Variants in LHFPL2 observed in about 807,000 individuals in gnomAD.
LHFPL2 encodes the protein LHFPL tetraspan subfamily member 2 protein.
A neutral mutation model predicts 17.5 loss-of-function variants in LHFPL2; 7 were observed. That is an observed-to-expected ratio of 0.40 (90% CI 0.23 to 0.75). The LOEUF is 0.75. Among genes scored for constraint, LHFPL2 ranks in the 30% least tolerant of loss-of-function variants. The probability of loss-of-function intolerance (pLI) is 0.37; values close to 1 mark genes in which losing one functional copy is unlikely to be tolerated. For synonymous variants in LHFPL2, 134 were observed against 116.2 expected, an observed-to-expected ratio of 1.15 and a Z score of -0.99; for missense variants, 241 against 294.8, an observed-to-expected ratio of 0.82 and a Z score of 1.34.
chr5:78,566,277 T>C (rs1362210862), intron 2 of LHFPL2, among the ~76,000 whole-genome samples: 1 of 152,196 alleles, frequency 6.6e-6, no homozygotes, highest in Admixed American at 6.5e-5. Context: ...GCAGCACCAG[T>C]GTTAATCCAA....
intron 1 of LHFPL2, among the ~76,000 whole-genome samples, chr5:78,647,293 G>T (rs1745918571): frequency 6.6e-6 from 1 of 152,160 alleles, no homozygotes; most frequent in African/African-American, 2.4e-5. Context: ...AAAGAATCAG[G>T]AATACCAGCA....
intron 2 of LHFPL2, among the ~76,000 whole-genome samples, chr5:78,580,199 TG>T (rs1478236929): frequency 8.5e-5 from 13 of 152,228 alleles, no homozygotes; most frequent in African/African-American, 3.1e-4. Context: ...TGGGGTTGTT[TG>T]TTTTTTTCTT....
intron 2 of LHFPL2, among the ~76,000 whole-genome samples, chr5:78,580,831 C>A (rs1270187263): frequency 6.6e-6 from 1 of 151,974 alleles, no homozygotes; most frequent in Non-Finnish European, 1.5e-5. Context: ...GCGATGCGGG[C>A]TCTTTTTTGG....
Position 78,509,765 on chromosome 5 carries a change from C to CG in LHFPL2, c.430+18dup. 6.3e-7 allele frequency: 1 copy of CG among 1,599,758 alleles called. No individual in the cohort carries two copies. The highest frequency in any genetic ancestry group is 8.5e-7 in the Non-Finnish European group (1 of 1,169,690). ...CTCCATCCCTCCATCCCACCGTGCC[C>CG]GGGGTCCTGCCTTCTTACCTGCAAT... On this transcript the variant is annotated intron_variant, in intron 4 of 4. Transcript: ENST00000380345.
At chr5:78,579,864 T>C (rs1439163533) in intron 2 of LHFPL2, among the ~76,000 whole-genome samples, 1 of 152,246 alleles carries the variant, frequency 6.6e-6, no homozygotes, top group Non-Finnish European at 1.5e-5. Flanking sequence ...TACCCAGTAA[T>C]GGGATGGCTG....
chr5:78,607,090 A>G (rs1299513785), intron 2 of LHFPL2, among the ~76,000 whole-genome samples: 1 of 151,866 alleles, frequency 6.6e-6, no homozygotes, highest in East Asian at 1.9e-4. Context: ...TTTACTAATC[A>G]CATCCCAAGA....
Position 78,552,209 on chromosome 5 carries a change from C to T in LHFPL2, c.-186+12604G>A, listed in dbSNP as rs538575875. Among the ~76,000 whole-genome samples, 27 of 151,462 alleles carry T rather than the reference C, an allele frequency of 1.8e-4. No individual in the cohort carries two copies. The South Asian group carries it at 5.4e-3, about 30-fold the overall frequency. On this transcript the variant is annotated intron_variant, in intron 3 of 4. Coordinates refer to ENST00000380345, the MANE Select transcript of LHFPL2 (RefSeq NM_005779.3). ...AGTGCAGTGGCGCGATCTTGGTTCA[C>T]TGCAAGCTCCGCCTCCCAGGTTCAT...
intron 4 of LHFPL2, among the ~76,000 whole-genome samples, chr5:78,492,436 C>CTTAA (rs2112289150): frequency 6.6e-6 from 1 of 152,234 alleles, no homozygotes; most frequent in African/African-American, 2.4e-5. Context: ...CAAAAAATAC[C>CTTAA]TTAATTTGGC....
At chr5:78,489,901 A>G (rs973820821) in intron 4 of LHFPL2, among the ~76,000 whole-genome samples, 3 of 78,894 alleles carry the variant, frequency 3.8e-5, no homozygotes, top group African/African-American at 1.6e-4. Flanking sequence ...CTTTCTGCAG[A>G]AAGAGTTTGC....
chr5:78,535,612 A>G (rs1055941276), intron 3 of LHFPL2, among the ~76,000 whole-genome samples: 1 of 152,156 alleles, frequency 6.6e-6, no homozygotes, highest in Non-Finnish European at 1.5e-5. Flanking sequence ...AGCCTGCTCC[A>G]CCTGCTAGCT....
chr5:78,626,396 C>T (rs936605552), intron 2 of LHFPL2: 2 of 152,266 alleles, frequency 1.3e-5, no homozygotes, highest in African/African-American at 4.8e-5. Context: ...AGGAGCAGCA[C>T]GTGGCCAAAG....
chr5:78,503,513 G>A (rs1425658262), intron 4 of LHFPL2, among the ~76,000 whole-genome samples: 2 of 152,050 alleles, frequency 1.3e-5, no homozygotes, highest in Non-Finnish European at 2.9e-5. Context: ...CCTGGCCAAC[G>A]TGGTGAAACC....
intron 2 of LHFPL2, among the ~76,000 whole-genome samples, chr5:78,627,200 G>A (rs1745074617): frequency 6.6e-6 from 1 of 152,214 alleles, no homozygotes; most frequent in Non-Finnish European, 1.5e-5. Context: ...AATGAAGACG[G>A]ACATGGGAAA....
intron 4 of LHFPL2, among the ~76,000 whole-genome samples, chr5:78,490,916 T>G (rs895969637): frequency 6.6e-6 from 1 of 152,220 alleles, no homozygotes; most frequent in African/African-American, 2.4e-5. Flanking sequence ...CTTGGCATCT[T>G]GGCTCTGAGT....
chr5:78,587,871 C>T (rs1290423420), intron 2 of LHFPL2, among the ~76,000 whole-genome samples: 1 of 152,220 alleles, frequency 6.6e-6, no homozygotes, highest in Non-Finnish European at 1.5e-5. Context: ...CTGTGGCCTC[C>T]CTGGCCCACC....
In LHFPL2 at chr5:78,568,084, A is replaced by G. The variant is rs142922395; in HGVS notation, c.-244-3213T>C. On this transcript the variant is annotated intron_variant, in intron 2 of 4. Transcript: ENST00000380345. Reference sequence around the variant, plus strand: ...CAAGAACATCAATTAGAGCACATACAATGGTATTCTCACGCTGCCAGGTCA... The same window carrying G: ...CAAGAACATCAATTAGAGCACATACGATGGTATTCTCACGCTGCCAGGTCA... 1.2e-3 allele frequency among the ~76,000 whole-genome samples: 185 copies of G among 152,342 alleles called. 1 individual carries two copies. Among genetic ancestry groups the G allele is most frequent in the African/African-American group, 4.2e-3 (175 of 41,572 alleles).
At chr5:78,555,200 A>G (rs1394600606) in intron 3 of LHFPL2, among the ~76,000 whole-genome samples, 1 of 152,274 alleles carries the variant, frequency 6.6e-6, no homozygotes, top group Non-Finnish European at 1.5e-5. Flanking sequence ...AGGGACTCAC[A>G]TGAATACTAT....
chr5:78,592,767 T>G (rs1743687331), intron 2 of LHFPL2, among the ~76,000 whole-genome samples: 1 of 142,782 alleles, frequency 7.0e-6, no homozygotes, highest in African/African-American at 2.8e-5. Context: ...ACTCTTCAAC[T>G]TAGTGAAAAA....
chr5:78,593,392 G>A (rs758993131), intron 2 of LHFPL2, among the ~76,000 whole-genome samples: 6 of 152,060 alleles, frequency 3.9e-5, no homozygotes, highest in Non-Finnish European at 8.8e-5. Context: ...GTTTTCGATT[G>A]AGGAAGACAG....
Sources: gnomAD v4.1 joint callset for allele counts (sites outside exome capture counted in the v4.1 genomes callset) on GRCh38, gnomAD v4.1.1 for gene constraint, MANE v1.5 for transcripts, NCBI Gene and HGNC (gene_info 2026-07-23, HGNC 2026-07-21) for gene names.